The following SIAE variants were observed in gnomAD, a reference collection of about 807,000 sequenced individuals.
The protein encoded by SIAE is sialic acid acetylesterase, also known as sialate O-acetylesterase.
In SIAE, 39 loss-of-function variants were observed where a neutral mutation model predicts 52.6. That is an observed-to-expected ratio of 0.74 (90% CI 0.57 to 0.97). The LOEUF (loss-of-function observed/expected upper bound fraction) is 0.97, where lower values mean the gene tolerates loss of function less well. Among genes scored for constraint, SIAE ranks in the 50% least tolerant of loss-of-function variants. SIAE has a pLI of 0.00. For missense variants in SIAE, 592 were observed against 662.1 expected (o/e 0.89, Z 1.16); for synonymous variants, 233 against 241.4 (o/e 0.97, Z 0.32).
chr11:124,671,442 C>T (rs879805834), intron 1 of SIAE, among the ~76,000 whole-genome samples: 5 of 152,196 alleles, frequency 3.3e-5, no homozygotes, highest in Non-Finnish European at 5.9e-5. Flanking sequence ...TTACCTGTGG[C>T]AGGCACAGTG....
chr11:124,675,041 G>A, upstream of SIAE: 1 of 415,838 alleles, frequency 2.4e-6, no homozygotes, highest in Non-Finnish European at 4.2e-6. Context: ...TAGTGAATGG[G>A]TCTGTGTTTG....
At chr11:124,659,569 G>A (rs1361061648) in intron 3 of SIAE, 1 of 143,136 alleles carries the variant, frequency 7.0e-6, no homozygotes, top group African/African-American at 2.6e-5. Context: ...AGGAGTTCTA[G>A]GCTGCAGTGA....
Position 124,635,683 on chromosome 11 carries a change from T to C in SIAE, c.*1268A>G, listed in dbSNP as rs1313413632. On this transcript the variant is annotated 3_prime_UTR_variant, in exon 10 of 10. Coordinates refer to ENST00000263593, the MANE Select transcript of SIAE (RefSeq NM_170601.5). ...TGTACAGTGAGTGATGCTTTTTGCT[T>C]TAGTTCTCATTTTTCACATTAAGGG... 1 of 152,200 alleles carries C rather than the reference T, an allele frequency of 6.6e-6. No individual in the cohort carries two copies. Among genetic ancestry groups the C allele is most frequent in the Non-Finnish European group, 1.5e-5 (1 of 68,030 alleles). 9.4% of individuals were successfully genotyped at this position (152,200 alleles called of 1,614,324 possible). A position where few individuals can be genotyped will look rare whatever the true frequency, so the allele number is the denominator to read the frequency against.
chr11:124,654,456 G>A lies in SIAE; in HGVS notation c.544+199C>T, dbSNP rs1481224255. On this transcript the variant is annotated intron_variant, in intron 4 of 9. Transcript: ENST00000263593. ...TTGAAGGAAGACTCATTTCCCCACA[G>A]CAAGAGGGAAGATTTGTTGGTAGTC... The A allele has an allele frequency of 3.0e-6, 3 of 985,352 alleles. No individual in the cohort carries two copies. The Admixed American group carries it at 1.8e-4, about 61-fold the overall frequency. 61.0% of individuals were successfully genotyped at this position (985,352 alleles called of 1,614,324 possible).
Position 124,636,905 on chromosome 11 carries a change from C to A in SIAE, c.*46G>T, listed in dbSNP as rs1249291842. ...TATTGAAACTCCTAAATGCTAAAAT[C>A]TGAAGGACCCATCCTTATATCTAAG... On this transcript the variant is annotated 3_prime_UTR_variant, in exon 10 of 10. Coordinates refer to ENST00000263593, the MANE Select transcript of SIAE (RefSeq NM_170601.5). 1 of 1,613,358 alleles carries A rather than the reference C, an allele frequency of 6.2e-7. No homozygotes were observed. Among genetic ancestry groups the A allele is most frequent in the Admixed American group, 1.7e-5 (1 of 60,026 alleles).
chr11:124,640,446 G>A (rs1942826324), intron 7 of SIAE, among the ~76,000 whole-genome samples: 1 of 152,168 alleles, frequency 6.6e-6, no homozygotes, highest in African/African-American at 2.4e-5. Flanking sequence ...AGCCATCCCA[G>A]GTGAGCCCTA....
At chr11:124,657,617 G>A (rs1055256493) in intron 3 of SIAE, among the ~76,000 whole-genome samples, 1 of 152,200 alleles carries the variant, frequency 6.6e-6, no homozygotes, top group Non-Finnish European at 1.5e-5. Context: ...ACCAGCACAC[G>A]GAAGTGGATC....
intron 7 of SIAE, among the ~76,000 whole-genome samples, chr11:124,642,099 G>A (rs960356319): frequency 6.6e-6 from 1 of 151,844 alleles, no homozygotes; most frequent in Non-Finnish European, 1.5e-5. Flanking sequence ...GGGATGATGA[G>A]AAATAATAAA....
intron 2 of SIAE, among the ~76,000 whole-genome samples, chr11:124,668,547 C>T (rs1943302975): frequency 1.3e-5 from 2 of 152,344 alleles, no homozygotes; most frequent in East Asian, 3.9e-4. Context: ...CTAAAACTGA[C>T]TCTGCACTTG....
chr11:124,654,760 C>T lies in SIAE; in HGVS notation c.439G>A (p.Ala147Thr). ...FNATRELSNT[A>T]AYQSVRILSV... ...AGGATGCGGACAGACTGATATGCCG[C>T]AGTGTTAGACAACTCCCTTGTAGCA... Residue 147 changes from alanine to threonine, a missense_variant, in exon 4 of 10, where the codon GCG (alanine) becomes ACG (threonine). Physicochemically the swap from Ala to Thr is moderately conservative, Grantham distance 58. Coordinates refer to ENST00000263593, the MANE Select transcript of SIAE (RefSeq NM_170601.5). 6.2e-7 allele frequency: 1 copy of T among 1,613,998 alleles called. No homozygotes were observed.
At position 124,660,674 on chromosome 11, in the gene SIAE, A is replaced by C. The variant is rs760741050; in HGVS notation, c.359T>G (p.Val120Gly). The C allele has an allele frequency of 1.2e-6, 2 of 1,614,082 alleles. No homozygotes were observed. The highest frequency in any genetic ancestry group is 2.2e-5 in the South Asian group (2 of 91,088). The change falls in exon 3 of 10, where the codon GTC becomes GGC. Residue 120 changes from valine to glycine, a missense_variant. Physicochemically the swap from Val to Gly is moderately radical, Grantham distance 109 (BLOSUM62 -3). Coordinates refer to ENST00000263593, the MANE Select transcript of SIAE (RefSeq NM_170601.5). ...GTTACTCTGCCCACTACAGAGCCAG[A>C]CATCTCCAAACAGGACGTCATGAAC... ...LRVHDVLFGD[V>G]WLCSGQSNMQ...
intron 3 of SIAE, among the ~76,000 whole-genome samples, chr11:124,657,586 T>C (rs2134378170): frequency 6.6e-6 from 1 of 152,362 alleles, no homozygotes; most frequent in African/African-American, 2.4e-5. Flanking sequence ...GTCAGAATGG[T>C]TGGCATTCTC....
At chr11:124,642,078 A>G (rs1942858932) in intron 7 of SIAE, among the ~76,000 whole-genome samples, 1 of 152,194 alleles carries the variant, frequency 6.6e-6, no homozygotes, top group Non-Finnish European at 1.5e-5. Flanking sequence ...CTACAGAGAT[A>G]GTAGTAGAAC....
At position 124,669,383 on chromosome 11, in the gene SIAE, A is replaced by G. The variant is rs775980440; in HGVS notation, c.206T>C (p.Met69Thr). Residue 69 changes from methionine (M) to threonine (T), a missense_variant, in exon 2 of 10, where the codon ATG becomes ACG. Met to Thr is a moderately conservative substitution (Grantham distance 81, BLOSUM62 -1). Coordinates refer to ENST00000263593, the MANE Select transcript of SIAE (RefSeq NM_170601.5). ...ACCTTTCACACTGGTCACTTTCTTCATGATGGTTTCCTGACCTTGGCGCAG... is the reference window on the plus strand; with the variant it reads ...ACCTTTCACACTGGTCACTTTCTTCGTGATGGTTTCCTGACCTTGGCGCAG... ...VTLRQGQETI[M>T]KKVTSVKAHS... The G allele has an allele frequency of 2.5e-6, 4 of 1,614,030 alleles. No homozygotes were observed. Among genetic ancestry groups the G allele is most frequent in the Admixed American group, 3.3e-5 (2 of 60,002 alleles).
chr11:124,649,665 A>G lies in SIAE; in HGVS notation c.676T>C (p.Trp226Arg). The change falls in exon 5 of 10, where the codon TGG (tryptophan) becomes CGG (arginine). Residue 226 changes from tryptophan (W) to arginine (R), a missense_variant. By Grantham distance (101) the Trp-to-Arg change is moderately radical. Coordinates refer to ENST00000263593, the MANE Select transcript of SIAE (RefSeq NM_170601.5). ...GCTTTCAGTGACCGTCCAGATGACC[A>G]GGCTTCAATGGGTGTCCCGCCCCAG... ...SSWGGTPIEA[W>R]SSGRSLKACG... 2 of 1,614,184 alleles carry G rather than the reference A, an allele frequency of 1.2e-6. No individual in the cohort carries two copies. The highest frequency in any genetic ancestry group is 1.3e-5 in the African/African-American group (1 of 75,036).
At chr11:124,643,365 G>A (rs917914058) in intron 7 of SIAE, among the ~76,000 whole-genome samples, 2 of 152,092 alleles carry the variant, frequency 1.3e-5, no homozygotes, top group Non-Finnish European at 2.9e-5. Context: ...GGGACCCACT[G>A]GAGCCTTCCG....
intron 2 of SIAE, among the ~76,000 whole-genome samples, chr11:124,661,402 T>C (rs1943185672): frequency 6.6e-6 from 1 of 152,204 alleles, no homozygotes; most frequent in Non-Finnish European, 1.5e-5. Flanking sequence ...GCATATAAAT[T>C]AATCTCTCTG....
chr11:124,651,930 A>G (rs1858864397), intron 4 of SIAE, among the ~76,000 whole-genome samples: 1 of 152,192 alleles, frequency 6.6e-6, no homozygotes, highest in Admixed American at 6.5e-5. Flanking sequence ...GGTAAACAGG[A>G]GGGAAGAAGA....
intron 6 of SIAE, 94 bp downstream of exon 6, chr11:124,647,972 G>A: frequency 1.0e-6 from 1 of 983,960 alleles, no homozygotes; most frequent in Non-Finnish European, 1.6e-6. Flanking sequence ...AAATTATAAA[G>A]TTATTGTTGC....
Sources: allele counts gnomAD v4.1 joint callset (sites outside exome capture counted in the v4.1 genomes callset), GRCh38; gene constraint gnomAD v4.1.1; transcripts MANE v1.5; gene names NCBI Gene and HGNC (gene_info 2026-07-23, HGNC 2026-07-21).